STX3: variants seen among roughly 807,000 people sequenced by gnomAD.
STX3 encodes syntaxin 3, also known as syntaxin-3.
STX3 carries 19 observed loss-of-function variants against 40.2 expected under a neutral mutation model. That is an observed-to-expected ratio of 0.47 (90% confidence interval 0.33 to 0.69). The LOEUF is 0.69. Among genes scored for constraint, STX3 ranks in the 30% least tolerant of loss-of-function variants. STX3 has a pLI of 0.02. For synonymous variants in STX3, 122 were observed against 132.2 expected, an observed-to-expected ratio of 0.92 and a Z score of 0.53; for missense variants, 364 against 366.7, an observed-to-expected ratio of 0.99 and a Z score of 0.06.
At chr11:59,783,994 G>A (rs984721035) in intron 2 of STX3, among the ~76,000 whole-genome samples, 6 of 152,174 alleles carry the variant, frequency 3.9e-5, no homozygotes, top group African/African-American at 7.2e-5. Flanking sequence ...CTGGGCCTGG[G>A]AAGTCCCGTA....
rs1394122397 is a variant in STX3 at position 59,801,557 on chromosome 11, T to G, written c.*733T>G. On this transcript the variant is annotated 3_prime_UTR_variant, in exon 11 of 11. Coordinates refer to ENST00000337979, the MANE Select transcript of STX3 (RefSeq NM_004177.5). ...CAAAAGGCTGACGGTATGGAATATG[T>G]TTCCATGTCTGAGTCTTAGAAACTG... is the stretch of plus-strand genomic sequence containing the variant. 1.0e-6 allele frequency: 1 copy of G among 985,318 alleles called. No individual in the cohort carries two copies. Among genetic ancestry groups the G allele is most frequent in the Non-Finnish European group, 1.2e-6 (1 of 829,938 alleles). 61.0% of individuals were successfully genotyped at this position (985,318 alleles called of 1,614,324 possible). A position where few individuals can be genotyped will look rare whatever the true frequency, so the allele number is the denominator to read the frequency against.
intron 1 of STX3, 46 bp from the exon 2 acceptor site, chr11:59,773,165 T>G: frequency 6.4e-7 from 1 of 1,551,986 alleles, no homozygotes; most frequent in Non-Finnish European, 8.9e-7. Flanking sequence ...AATTTAGCCA[T>G]TTATTGTGTT....
At position 59,795,441 on chromosome 11, in the gene STX3, G is replaced by A; in HGVS notation, c.745G>A (p.Glu249Lys). ...TVDHVEKARD[E>K]TKKAVKYQSQ... ...GGACCACGTGGAGAAGGCACGAGATGAAACGAAAAAAGCTGTGAAATACCA... is the reference window on the plus strand; with the variant it reads ...GGACCACGTGGAGAAGGCACGAGATAAAACGAAAAAAGCTGTGAAATACCA... The change falls in exon 9 of 11, where the codon GAA (glutamate) becomes AAA (lysine). Residue 249 changes from glutamate to lysine, a missense_variant. Glu to Lys is a moderately conservative substitution (Grantham distance 56). Coordinates refer to ENST00000337979, the MANE Select transcript of STX3 (RefSeq NM_004177.5). The A allele has an allele frequency of 1.2e-6, 2 of 1,613,566 alleles. No homozygotes were observed. The highest frequency in any genetic ancestry group is 2.2e-5 in the South Asian group (2 of 90,836).
At position 59,803,392 on chromosome 11, in the gene STX3, AT is replaced by A; in HGVS notation, c.*2570del. On this transcript the variant is annotated 3_prime_UTR_variant, in exon 11 of 11. Coordinates refer to ENST00000337979, the MANE Select transcript of STX3 (RefSeq NM_004177.5). Reference sequence around the variant, plus strand: ...CTCTAGGTGCCTTAATCTGGGTGGGATTAGGTGCTAATAATGGTTAGAGAAA... The same window carrying A: ...CTCTAGGTGCCTTAATCTGGGTGGGATAGGTGCTAATAATGGTTAGAGAAA... 2 of 720,164 alleles carry A rather than the reference AT, an allele frequency of 2.8e-6. No individual in the cohort carries two copies. The highest frequency in any genetic ancestry group is 3.8e-6 in the Non-Finnish European group (2 of 521,528). The allele number at this position is 720,164 out of a possible 1,614,324, so 44.6% of individuals were successfully genotyped here. A position where few individuals can be genotyped will look rare whatever the true frequency, so the allele number is the denominator to read the frequency against.
intron 1 of STX3, among the ~76,000 whole-genome samples, chr11:59,771,717 A>G (rs946319452): frequency 4.6e-5 from 7 of 152,000 alleles, no homozygotes; most frequent in Admixed American, 1.3e-4. Flanking sequence ...CTTGGTCTAG[A>G]GTGTGCATCA....
At chr11:59,778,829 TC>T (rs1864163129) in intron 2 of STX3, among the ~76,000 whole-genome samples, 1 of 146,924 alleles carries the variant, frequency 6.8e-6, no homozygotes, top group Admixed American at 6.8e-5. Flanking sequence ...TCTTTTCTTT[TC>T]CTTTTTTTTT....
At chr11:59,795,541 C>A in intron 9 of STX3, 59 bp downstream of exon 9, 1 of 1,559,358 alleles carries the variant, frequency 6.4e-7, no homozygotes, top group Non-Finnish European at 8.7e-7. Flanking sequence ...GTGTCTCGCT[C>A]TTTCTCTTCC....
At chr11:59,776,383 A>C (rs1863966412) in intron 2 of STX3, among the ~76,000 whole-genome samples, 1 of 152,148 alleles carries the variant, frequency 6.6e-6, no homozygotes, top group African/African-American at 2.4e-5. Flanking sequence ...TGTTCTTATC[A>C]CCCTTCTGTC....
chr11:59,797,297 C>T lies in STX3; in HGVS notation c.801C>T (p.Ile267=), dbSNP rs776611830. The change falls in exon 10 of 11, where the codon ATC becomes ATT. Residue 267 remains isoleucine (I), a synonymous_variant. Coordinates refer to ENST00000337979, the MANE Select transcript of STX3 (RefSeq NM_004177.5). ...CCTCTCTCCAGAAATTGATAATTATCATTGTGCTAGTAGTTGTGTTGCTGG... is the reference window on the plus strand; with the variant it reads ...CCTCTCTCCAGAAATTGATAATTATTATTGTGCTAGTAGTTGTGTTGCTGG... The part of the protein sequence containing the change: ...QSQARKKLII[I]IVLVVVLLGI... 2 of 1,613,368 alleles carry T rather than the reference C, an allele frequency of 1.2e-6. No individual in the cohort carries two copies. Among genetic ancestry groups the T allele is most frequent in the Non-Finnish European group, 1.7e-6 (2 of 1,179,462 alleles).
intron 2 of STX3, among the ~76,000 whole-genome samples, chr11:59,773,974 A>ACG (rs1863804426): frequency 1.9e-5 from 1 of 51,876 alleles, no homozygotes; most frequent in Non-Finnish European, 3.8e-5. Context: ...TGTCTCACAC[A>ACG]CACAAAAAAA....
Position 59,773,258 on chromosome 11 carries a change from C to G in STX3, c.78C>G (p.Ile26Met), listed in dbSNP as rs376688869. Reference protein sequence around the residue: ...DDDTDAVEIAIDNTAFMDEFF... With the variant: ...DDDTDAVEIAMDNTAFMDEFF... ...ATACTGATGCGGTTGAGATTGCTATCGACAACACGGCTTTTATGGACGAGT... is the reference window on the plus strand; with the variant it reads ...ATACTGATGCGGTTGAGATTGCTATGGACAACACGGCTTTTATGGACGAGT... The change falls in exon 2 of 11, where the codon ATC (isoleucine) becomes ATG (methionine). Residue 26 changes from isoleucine (I) to methionine (M), a missense_variant. By Grantham distance (10) the Ile-to-Met change is conservative (BLOSUM62 1). Coordinates refer to ENST00000337979, the MANE Select transcript of STX3 (RefSeq NM_004177.5). 1 of 1,614,112 alleles carries G rather than the reference C, an allele frequency of 6.2e-7. No individual in the cohort carries two copies. The highest frequency in any genetic ancestry group is 8.5e-7 in the Non-Finnish European group (1 of 1,179,996).
intron 1 of STX3, among the ~76,000 whole-genome samples, chr11:59,769,646 G>T (rs1156818098): frequency 6.6e-6 from 1 of 152,142 alleles, no homozygotes; most frequent in Non-Finnish European, 1.5e-5. Context: ...GGGAATCCCT[G>T]TGTGGATACT....
At chr11:59,787,242 ACAGGG>A in intron 3 of STX3, 106 bp downstream of exon 3, 1 of 893,412 alleles carries the variant, frequency 1.1e-6, no homozygotes, top group Non-Finnish European at 1.8e-6. Flanking sequence ...TGTACAAGTT[ACAGGG>A]CACTAGTGTA....
At chr11:59,795,625 G>GA in intron 9 of STX3, 143 bp downstream of exon 9, 1 of 1,539,512 alleles carries the variant, frequency 6.5e-7, no homozygotes, top group South Asian at 1.2e-5. Flanking sequence ...ACCGTATTGA[G>GA]AACAACATGG....
In STX3 at chr11:59,772,974, A is replaced by AAACACAC. The variant is rs1554996770; in HGVS notation, c.31-236_31-235insACACACA. On this transcript the variant is annotated intron_variant, in intron 1 of 10. Transcript: ENST00000337979. ...TTCTCACCCCTCACCCCCTGAAAGA[A>AAACACAC]ACACACACACACACACACACACACA... 9.2e-3 allele frequency among the ~76,000 whole-genome samples: 1,290 copies of AAACACAC among 140,672 alleles called. 24 individuals carry two copies. The highest frequency in any genetic ancestry group is 0.031 in the African/African-American group (1,193 of 37,900). 92.3% of individuals were successfully genotyped at this position (140,672 alleles called of 152,430 possible).
intron 2 of STX3, among the ~76,000 whole-genome samples, chr11:59,775,741 G>A (rs1274505317): frequency 6.6e-6 from 1 of 152,192 alleles, no homozygotes; most frequent in Non-Finnish European, 1.5e-5. Flanking sequence ...AAAAGCACTG[G>A]ATGGGTGGTA....
intron 6 of STX3, among the ~76,000 whole-genome samples, chr11:59,792,821 A>T (rs1034089801): frequency 6.6e-6 from 1 of 152,282 alleles, no homozygotes; most frequent in Non-Finnish European, 1.5e-5. Flanking sequence ...CTAGCATGTT[A>T]TGAGGGCCTT....
intron 2 of STX3, chr11:59,781,315 A>C (rs1182491042): frequency 1.9e-6 from 3 of 1,581,102 alleles, no homozygotes; most frequent in Non-Finnish European, 2.6e-6. Context: ...TGGAATTTTT[A>C]TTCTACTTTT....
chr11:59,773,014 A>ACAC (rs1863745995), intron 1 of STX3, among the ~76,000 whole-genome samples, 197 bp from the exon 2 acceptor site: 1 of 122,248 alleles, frequency 8.2e-6, no homozygotes, highest in African/African-American at 3.1e-5. Context: ...CACACACACA[A>ACAC]CCCAGCAATT....
Sources: gnomAD v4.1 joint callset for allele counts (sites outside exome capture counted in the v4.1 genomes callset) on GRCh38, gnomAD v4.1.1 for gene constraint, MANE v1.5 for transcripts, NCBI Gene and HGNC (gene_info 2026-07-23, HGNC 2026-07-21) for gene names.